Variants in PDE4D observed in about 807,000 individuals in gnomAD.
PDE4D encodes phosphodiesterase 4D.
PDE4D carries 24 observed loss-of-function variants against 87.4 expected under a neutral mutation model. The observed-to-expected ratio is 0.27, with a 90% CI of 0.20 to 0.39. The LOEUF is 0.39. PDE4D is among the 10% of genes least tolerant of loss of function. The pLI, the probability that PDE4D is intolerant of heterozygous loss-of-function variation, is 1.00. For missense variants in PDE4D, 714 were observed against 1,041.0 expected, an observed-to-expected ratio of 0.69 and a Z score of 4.32; for synonymous variants, 384 against 383.2, an observed-to-expected ratio of 1.00 and a Z score of -0.02.
intron 2 of PDE4D, among the ~76,000 whole-genome samples, chr5:60,117,841 C>T (rs1383660020): frequency 6.6e-6 from 1 of 151,850 alleles, no homozygotes; most frequent in Non-Finnish European, 1.5e-5. Context: ...CACACACACA[C>T]ACCACAGAGA....
intron 3 of PDE4D, among the ~76,000 whole-genome samples, chr5:59,963,994 G>A (rs1418915112): frequency 2.0e-5 from 3 of 152,164 alleles, no homozygotes; most frequent in Non-Finnish European, 2.9e-5. Context: ...ATTTTTATAA[G>A]CAGAGTTATC....
At chr5:60,304,668 A>G (rs1289299867) in intron 1 of PDE4D, among the ~76,000 whole-genome samples, 1 of 150,326 alleles carries the variant, frequency 6.7e-6, no homozygotes, top group African/African-American at 2.5e-5. Flanking sequence ...AAAAAAAAAA[A>G]AAAAAAGAAA....
chr5:60,352,164 C>T (rs1389517009), intron 1 of PDE4D, among the ~76,000 whole-genome samples: 1 of 152,084 alleles, frequency 6.6e-6, no homozygotes, highest in Non-Finnish European at 1.5e-5. Flanking sequence ...CAAAATGTTT[C>T]TATCACACCT....
At chr5:60,008,823 T>C (rs10940654) in intron 2 of PDE4D, among the ~76,000 whole-genome samples, 111,106 of 151,824 alleles carry the variant, frequency 0.73, 41,208 homozygotes, top group East Asian at 0.9. Flanking sequence ...TTCCTACTTC[T>C]CTCTGGTGTT....
intron 1 of PDE4D, among the ~76,000 whole-genome samples, chr5:59,780,680 A>G (rs774625043): frequency 6.6e-6 from 1 of 152,218 alleles, no homozygotes; most frequent in Non-Finnish European, 1.5e-5. Context: ...TCCTTGAGCA[A>G]AATCAATGGT....
chr5:59,465,200 G>A (rs1191888816), intron 1 of PDE4D, among the ~76,000 whole-genome samples: 4 of 152,082 alleles, frequency 2.6e-5, no homozygotes, highest in East Asian at 3.9e-4. Context: ...TTGGTAAACC[G>A]TACTGTCCAT....
At chr5:59,139,004 G>C (rs1163940322) in intron 5 of PDE4D, among the ~76,000 whole-genome samples, 4 of 152,140 alleles carry the variant, frequency 2.6e-5, no homozygotes, top group Non-Finnish European at 2.9e-5. Flanking sequence ...TTCTATAAAA[G>C]GTGAAGGTAG....
chr5:60,297,537 T>A (rs1192012924), intron 1 of PDE4D, among the ~76,000 whole-genome samples: 1 of 152,198 alleles, frequency 6.6e-6, no homozygotes, highest in African/African-American at 2.4e-5. Context: ...CTGGACATCA[T>A]CTCAATTTCA....
intron 1 of PDE4D, among the ~76,000 whole-genome samples, chr5:59,312,376 A>G (rs1048871373): frequency 3.3e-5 from 5 of 152,186 alleles, no homozygotes; most frequent in Admixed American, 6.5e-5. Flanking sequence ...GAAAATGCCA[A>G]CTACCCTGGA....
At chr5:60,418,830 T>C (rs1742847083) in intron 1 of PDE4D, among the ~76,000 whole-genome samples, 1 of 152,194 alleles carries the variant, frequency 6.6e-6, no homozygotes, top group Non-Finnish European at 1.5e-5. Context: ...TATTCATTCT[T>C]TCTATTTTTT....
At chr5:60,132,392 C>T (rs1248924039) in intron 2 of PDE4D, among the ~76,000 whole-genome samples, 5 of 151,912 alleles carry the variant, frequency 3.3e-5, no homozygotes, top group African/African-American at 4.8e-5. Context: ...TATGTATTAC[C>T]GTATTCCAGA....
intron 1 of PDE4D, among the ~76,000 whole-genome samples, chr5:59,474,253 T>A (rs1802928097): frequency 6.6e-6 from 1 of 152,142 alleles, no homozygotes. Flanking sequence ...TTATTTTAAG[T>A]TCAGATATAT....
intron 1 of PDE4D, among the ~76,000 whole-genome samples, chr5:59,868,043 A>G (rs1454114837): frequency 6.6e-6 from 1 of 152,140 alleles, no homozygotes; most frequent in African/African-American, 2.4e-5. Context: ...AAAGACTGGA[A>G]AGAAAAGGTA....
intron 1 of PDE4D, among the ~76,000 whole-genome samples, chr5:59,478,279 C>T (rs1365277327): frequency 1.3e-5 from 2 of 152,014 alleles, no homozygotes; most frequent in African/African-American, 2.4e-5. Flanking sequence ...TCTATTTTTT[C>T]AGGCATTAGT....
chr5:59,817,290 T>C (rs1295075102), intron 1 of PDE4D, among the ~76,000 whole-genome samples: 2 of 152,230 alleles, frequency 1.3e-5, no homozygotes, highest in African/African-American at 4.8e-5. Context: ...GAGCTCTGTA[T>C]TTTTTATTTA....
chr5:59,044,774 T>A (rs1401913101), intron 5 of PDE4D, among the ~76,000 whole-genome samples: 1 of 152,264 alleles, frequency 6.6e-6, no homozygotes, highest in Non-Finnish European at 1.5e-5. Context: ...TATAAAACTT[T>A]ATTTAGTACT....
At chr5:60,060,915 T>C (rs1771332649) in intron 2 of PDE4D, among the ~76,000 whole-genome samples, 1 of 152,032 alleles carries the variant, frequency 6.6e-6, no homozygotes, top group Non-Finnish European at 1.5e-5. Context: ...AAACTAGATA[T>C]TGATGGAACA....
At chr5:60,481,370 T>TA (rs1748717196) in intron 1 of PDE4D, among the ~76,000 whole-genome samples, 1 of 152,158 alleles carries the variant, frequency 6.6e-6, no homozygotes, top group South Asian at 2.1e-4. Flanking sequence ...TGTTTTTTTT[T>TA]ATTTGTGATA....
intron 1 of PDE4D, among the ~76,000 whole-genome samples, chr5:60,207,974 A>G (rs746870828): frequency 2.0e-5 from 3 of 152,246 alleles, no homozygotes; most frequent in Non-Finnish European, 4.4e-5. Context: ...TAAGAAATAA[A>G]TGTATCGGGC....
Sources: allele counts gnomAD v4.1 joint callset (sites outside exome capture counted in the v4.1 genomes callset), GRCh38; gene constraint gnomAD v4.1.1; transcripts MANE v1.5; gene names NCBI Gene and HGNC (gene_info 2026-07-23, HGNC 2026-07-21).